SCN1A: variants seen among roughly 807,000 people sequenced by gnomAD.
SCN1A encodes the protein sodium voltage-gated channel alpha subunit 1.
A neutral mutation model predicts 193.7 loss-of-function variants in SCN1A; 13 were observed. That is an observed-to-expected ratio of 0.07 (90% confidence interval 0.04 to 0.11). The LOEUF (loss-of-function observed/expected upper bound fraction) is 0.11. Ranked by LOEUF, SCN1A falls within the 10% of genes least tolerant of loss-of-function variation. SCN1A has a pLI of 1.00. For missense variants in SCN1A, 1,432 were observed against 2,451.1 expected, an observed-to-expected ratio of 0.58 and a Z score of 8.78; for synonymous variants, 781 against 843.6, an observed-to-expected ratio of 0.93 and a Z score of 1.29.
At position 166,037,788 on chromosome 2, in the gene SCN1A, A is replaced by C; in HGVS notation, c.2934T>G (p.Ile978Met). The C allele has an allele frequency of 6.2e-7, 1 of 1,614,190 alleles. No individual in the cohort carries two copies. Among genetic ancestry groups the C allele is most frequent in the Non-Finnish European group, 8.5e-7 (1 of 1,180,030 alleles). The change falls in exon 18 of 29, where the codon ATT becomes ATG. Residue 978 changes from isoleucine (I) to methionine (M), a missense_variant. Around this residue, in one of 18 missense-constraint regions of SCN1A, gnomAD observed 93 missense variants for 260.4 expected, o/e 0.36. Coordinates refer to ENST00000674923, the MANE Select transcript of SCN1A (RefSeq NM_001165963.4). ...CLTVFMMVMV[I>M]GNLVVLNLFL... ...AGTGGGTACATACCACTAGGTTTCCAATCACCATGACCATCATGAAGACAG... is the reference window on the plus strand; with the variant it reads ...AGTGGGTACATACCACTAGGTTTCCCATCACCATGACCATCATGAAGACAG...
At chr2:166,026,798 C>T (rs1219337015) in intron 19 of SCN1A, among the ~76,000 whole-genome samples, 1 of 147,882 alleles carries the variant, frequency 6.8e-6, no homozygotes, top group Admixed American at 6.9e-5. Context: ...ATTCTCCTGT[C>T]TCAGCCTCCC....
intron 4 of SCN1A, among the ~76,000 whole-genome samples, chr2:166,067,719 C>A (rs977149684): frequency 1.1e-5 from 1 of 91,358 alleles, no homozygotes; most frequent in Admixed American, 1.1e-4. Context: ...TTTTTTTTGC[C>A]TGCTTAGGAC....
At chr2:166,068,515 C>T (rs1574346003) in intron 4 of SCN1A, among the ~76,000 whole-genome samples, 1 of 152,098 alleles carries the variant, frequency 6.6e-6, no homozygotes, top group South Asian at 2.1e-4. Flanking sequence ...TGGGGACTGC[C>T]CATATGACAA....
intron 2 of SCN1A, among the ~76,000 whole-genome samples, chr2:166,080,941 C>A (rs947861532): frequency 2.0e-5 from 3 of 151,780 alleles, no homozygotes; most frequent in Non-Finnish European, 4.4e-5. Context: ...AAAGTTAATA[C>A]TGATAATATT....
chr2:166,118,354 G>T (rs73028933), intron 2 of SCN1A, among the ~76,000 whole-genome samples: 1 of 111,186 alleles, frequency 9.0e-6, no homozygotes, highest in African/African-American at 3.6e-5. Flanking sequence ...ACTCTCTTGC[G>T]CAGGCTGGAG....
In SCN1A at chr2:166,140,956, C is replaced by A. The variant is rs59317878; in HGVS notation, c.-50+8091G>T. ...TGTGGACTCTTTGGCTCCACCCAGA[C>A]CTTCTAAATAAGAAAGTGCATTTTA... is the stretch of plus-strand genomic sequence containing the variant. On this transcript the variant is annotated intron_variant, in intron 1 of 26. Transcript: ENST00000635750. 6.4e-3 allele frequency among the ~76,000 whole-genome samples: 981 copies of A among 152,264 alleles called. 15 individuals carry two copies. Among genetic ancestry groups the A allele is most frequent in the African/African-American group, 0.022 (911 of 41,548 alleles).
intron 2 of SCN1A, among the ~76,000 whole-genome samples, chr2:166,106,579 G>A (rs1303381506): frequency 6.6e-6 from 1 of 152,138 alleles, no homozygotes; most frequent in Non-Finnish European, 1.5e-5. Context: ...CTGAAGTGAG[G>A]ATGTGTCTGT....
chr2:166,137,221 C>T (rs148499834), intron 1 of SCN1A, among the ~76,000 whole-genome samples: 3,337 of 152,246 alleles, frequency 0.022, 62 homozygotes, highest in Non-Finnish European at 0.031. Flanking sequence ...AAAAACATCT[C>T]TTTTTCTTTG....
At chr2:166,136,313 A>G (rs899291311) in intron 1 of SCN1A, among the ~76,000 whole-genome samples, 6 of 152,120 alleles carry the variant, frequency 3.9e-5, no homozygotes, top group Non-Finnish European at 7.4e-5. Flanking sequence ...TCTGCAACTA[A>G]GCAAACATAG....
chr2:166,118,298 G>GTTTT (rs1690122228), intron 2 of SCN1A, among the ~76,000 whole-genome samples: 1 of 44,696 alleles, frequency 2.2e-5, no homozygotes, highest in South Asian at 9.3e-4. Flanking sequence ...TTTCTATTTA[G>GTTTT]TTTCTTTTTT....
chr2:166,052,810 A>C, intron 8 of SCN1A, 42 bp downstream of exon 8: 1 of 1,467,148 alleles, frequency 6.8e-7, no homozygotes, highest in Non-Finnish European at 9.5e-7. Context: ...AGGATGCTGA[A>C]TCACATGATG....
At chr2:166,083,767 G>T (rs933520267) in intron 2 of SCN1A, among the ~76,000 whole-genome samples, 1 of 152,144 alleles carries the variant, frequency 6.6e-6, no homozygotes, top group African/African-American at 2.4e-5. Context: ...GACGATCATA[G>T]TCAGAATAAT....
intron 13 of SCN1A, 105 bp downstream of exon 13, chr2:166,044,938 G>T: frequency 8.3e-7 from 1 of 1,208,936 alleles, no homozygotes; most frequent in Non-Finnish European, 1.2e-6. Context: ...ACACAACAGT[G>T]GTTGATTCAG....
intron 3 of SCN1A, among the ~76,000 whole-genome samples, chr2:166,074,301 C>G (rs1363760316): frequency 2.0e-5 from 3 of 152,048 alleles, no homozygotes; most frequent in Non-Finnish European, 4.4e-5. Context: ...CACGGTTGGA[C>G]AAATGTCATT....
In SCN1A at chr2:166,056,604, G is replaced by A. The variant is rs1699166661; in HGVS notation, c.384-104C>T. On this transcript the variant is annotated intron_variant, in intron 5 of 28. Coordinates refer to ENST00000674923, the MANE Select transcript of SCN1A (RefSeq NM_001165963.4). The stretch of plus-strand genomic sequence containing the variant: ...CAAACTGCAGCTTAGCCAAAATTCA[G>A]GGATAAATGCATTGTGGGCAAGTCT... 5.1e-6 allele frequency: 4 copies of A among 786,256 alleles called. No homozygotes were observed. In the South Asian group the frequency reaches 5.7e-5, roughly 11 times the overall value. The allele number at this position is 786,256 out of a possible 1,614,324, so 48.7% of individuals were successfully genotyped here.
At chr2:166,100,593 A>C (rs1252545560) in intron 2 of SCN1A, among the ~76,000 whole-genome samples, 1 of 150,504 alleles carries the variant, frequency 6.6e-6, no homozygotes. Flanking sequence ...AAATGGGAGA[A>C]AATTTTCACA....
intron 2 of SCN1A, among the ~76,000 whole-genome samples, chr2:166,104,862 G>T (rs187995880): frequency 5.8e-4 from 89 of 152,298 alleles, no homozygotes; most frequent in Non-Finnish European, 1.1e-3. Context: ...ACTTTGTGTT[G>T]CCAGTATGCT....
chr2:166,009,585 C>T (rs1034025331), intron 23 of SCN1A, 134 bp downstream of exon 23: 6 of 690,854 alleles, frequency 8.7e-6, no homozygotes, highest in African/African-American at 7.3e-5. Context: ...AAATATGCAA[C>T]AGATAAAACA....
At chr2:166,088,458 A>G (rs1040420994) in intron 2 of SCN1A, among the ~76,000 whole-genome samples, 1 of 152,014 alleles carries the variant, frequency 6.6e-6, no homozygotes, top group South Asian at 2.1e-4. Flanking sequence ...ATTCATTTCT[A>G]CTCTTTCATA....
Sources: gnomAD v4.1 joint callset for allele counts (sites outside exome capture counted in the v4.1 genomes callset) on GRCh38, gnomAD v4.1.1 for gene constraint, gnomAD v4.1.1 regional missense constraint, MANE v1.5 for transcripts, NCBI Gene and HGNC (gene_info 2026-07-23, HGNC 2026-07-21) for gene names.